RAP1GAP2: variants seen among roughly 807,000 people sequenced by gnomAD.
RAP1GAP2 encodes RAP1 GTPase activating protein 2, also known as rap1 GTPase-activating protein 2.
RAP1GAP2 carries 27 observed loss-of-function variants against 95.0 expected under a neutral mutation model. That is an observed-to-expected ratio of 0.28 (90% CI 0.21 to 0.39). The LOEUF (loss-of-function observed/expected upper bound fraction) is 0.39, where lower values mean the gene tolerates loss of function less well. RAP1GAP2 is among the 10% of genes least tolerant of loss of function. RAP1GAP2 has a pLI of 1.00. For missense variants in RAP1GAP2, 771 were observed against 970.0 expected, an observed-to-expected ratio of 0.79 and a Z score of 2.72; for synonymous variants, 373 against 380.9, an observed-to-expected ratio of 0.98 and a Z score of 0.24.
At chr17:2,818,177 T>G (rs535551049) in intron 2 of RAP1GAP2, among the ~76,000 whole-genome samples, 1 of 152,052 alleles carries the variant, frequency 6.6e-6, no homozygotes, top group South Asian at 2.1e-4. Context: ...ATTAAAGAAA[T>G]AAAACACACA....
intron 1 of RAP1GAP2, among the ~76,000 whole-genome samples, chr17:2,765,467 C>T (rs773757471): frequency 1.2e-4 from 18 of 152,054 alleles, no homozygotes; most frequent in Admixed American, 2.6e-4. Context: ...AGAGAGGGCG[C>T]GGTGGCTCAC....
chr17:2,786,282 T>C (rs2068771923), intron 1 of RAP1GAP2, among the ~76,000 whole-genome samples: 1 of 152,256 alleles, frequency 6.6e-6, no homozygotes, highest in Non-Finnish European at 1.5e-5. Flanking sequence ...ATGTCAGGAC[T>C]GGGGCTGGAA....
intron 2 of RAP1GAP2, among the ~76,000 whole-genome samples, chr17:2,861,725 C>T (rs1189520374): frequency 2.6e-5 from 4 of 152,054 alleles, no homozygotes; most frequent in South Asian, 2.1e-4. Context: ...CTGCAAGCTC[C>T]GCCTCCCAGG....
intron 3 of RAP1GAP2, among the ~76,000 whole-genome samples, chr17:2,932,841 A>AG (rs1413886293): frequency 3.6e-4 from 3 of 8,442 alleles, no homozygotes; most frequent in African/African-American, 1.3e-3. Context: ...AAAAAAAAAA[A>AG]AAGAGCAGGG....
chr17:2,847,302 C>T (rs755418891), intron 2 of RAP1GAP2, among the ~76,000 whole-genome samples: 7 of 152,124 alleles, frequency 4.6e-5, no homozygotes, highest in East Asian at 1.9e-4. Flanking sequence ...CCACCGCGCC[C>T]GGCATCAAAC....
intron 17 of RAP1GAP2, among the ~76,000 whole-genome samples, chr17:3,015,780 C>T (rs569561506): frequency 6.6e-5 from 10 of 151,858 alleles, no homozygotes; most frequent in East Asian, 3.9e-4. Context: ...TCGTGCCACA[C>T]GCTGTACTCC....
rs371614405 is a variant in RAP1GAP2 at position 3,006,036 on chromosome 17, C to T, written c.1354C>T (p.Leu452=). Reference sequence around the variant, plus strand: ...CTGCAAGTCGGACAAGTTTGCAAAGCTGGAGGTGAGAGTGTGGTTTCTGAA... The same window carrying T: ...CTGCAAGTCGGACAAGTTTGCAAAGTTGGAGGTGAGAGTGTGGTTTCTGAA... The part of the protein sequence containing the change: ...ACCKSDKFAK[L]EDRTRAALLD... The change falls in exon 16 of 25, where the codon CTG becomes TTG. Residue 452 remains leucine, a synonymous_variant. Transcript: ENST00000254695. 3.2e-5 allele frequency: 52 copies of T among 1,606,084 alleles called. No homozygotes were observed. The African/African-American group carries it at 6.8e-4, about 21-fold the overall frequency.
chr17:2,852,443 C>CCTATCCT (rs2071898102), intron 2 of RAP1GAP2, among the ~76,000 whole-genome samples: 1 of 152,174 alleles, frequency 6.6e-6, no homozygotes, highest in Non-Finnish European at 1.5e-5. Flanking sequence ...ACCCCAACTC[C>CCTATCCT]AGTGCCAGCA....
intron 2 of RAP1GAP2, among the ~76,000 whole-genome samples, chr17:2,840,149 T>C (rs2071308571): frequency 6.6e-6 from 1 of 152,046 alleles, no homozygotes; most frequent in South Asian, 2.1e-4. Flanking sequence ...AGTTATTCTT[T>C]ATTTTTAAAT....
In RAP1GAP2 at chr17:2,804,848, G is replaced by A. The variant is rs117704513; in HGVS notation, c.80+4298G>A. On this transcript the variant is annotated intron_variant, in intron 2 of 24. Transcript: ENST00000254695. Reference sequence around the variant, plus strand: ...CCTCAGGCTAACACACAGGCAAATCGTTCACCTCTCTGGGTCAGTTTCCCC... The same window carrying A: ...CCTCAGGCTAACACACAGGCAAATCATTCACCTCTCTGGGTCAGTTTCCCC... Among the ~76,000 whole-genome samples the A allele has an allele frequency of 2.1e-4, 32 of 152,298 alleles. No homozygotes were observed. In the East Asian group the frequency reaches 4.1e-3, roughly 19 times the overall value.
At chr17:2,883,578 GT>G in intron 2 of RAP1GAP2, among the ~76,000 whole-genome samples, 1 of 152,086 alleles carries the variant, frequency 6.6e-6, no homozygotes, top group Middle Eastern at 3.4e-3. Flanking sequence ...CTCCTCTCCT[GT>G]TTTCTTTTTT....
At chr17:2,944,261 A>C (rs762566246) in intron 3 of RAP1GAP2, among the ~76,000 whole-genome samples, 2 of 152,122 alleles carry the variant, frequency 1.3e-5, no homozygotes, top group Non-Finnish European at 2.9e-5. Flanking sequence ...GTAGAAATGT[A>C]AATTGGTGCA....
intron 10 of RAP1GAP2, among the ~76,000 whole-genome samples, 192 bp downstream of exon 10, chr17:2,981,440 C>G (rs1379058043): frequency 6.6e-6 from 1 of 152,296 alleles, no homozygotes; most frequent in East Asian, 1.9e-4. Flanking sequence ...TCAGCCATGC[C>G]TAGGTCTCCA....
Position 2,906,943 on chromosome 17 carries a change from A to G in RAP1GAP2, c.165+1575A>G, listed in dbSNP as rs1055375930. 3.3e-5 allele frequency among the ~76,000 whole-genome samples: 5 copies of G among 152,186 alleles called. No homozygotes were observed. The highest frequency in any genetic ancestry group is 7.2e-5 in the African/African-American group (3 of 41,452). On this transcript the variant is annotated intron_variant, in intron 3 of 24. Coordinates refer to ENST00000254695, the MANE Select transcript of RAP1GAP2 (RefSeq NM_015085.5). This position sits in a 1 kb window ranked among gnomAD's most constrained non-coding sequence, Gnocchi z 4.3. ...ATTTTTTGCCTTTGTAATTGCAAGCATAGACGGCAGGCATGACTGCATCCG... is the reference window on the plus strand; with the variant it reads ...ATTTTTTGCCTTTGTAATTGCAAGCGTAGACGGCAGGCATGACTGCATCCG...
At chr17:2,986,164 C>T (rs901077167) in intron 11 of RAP1GAP2, among the ~76,000 whole-genome samples, 4 of 152,086 alleles carry the variant, frequency 2.6e-5, no homozygotes, top group Non-Finnish European at 5.9e-5. Context: ...CTTGGTTAGA[C>T]GACACCTGAT....
intron 1 of RAP1GAP2, among the ~76,000 whole-genome samples, chr17:2,759,858 A>G (rs2151754581): frequency 6.6e-6 from 1 of 152,254 alleles, no homozygotes; most frequent in African/African-American, 2.4e-5. Flanking sequence ...GAGATTATAG[A>G]TTTGAGCCAG....
At chr17:2,767,259 G>A (rs993448665) in intron 1 of RAP1GAP2, among the ~76,000 whole-genome samples, 6 of 150,534 alleles carry the variant, frequency 4.0e-5, no homozygotes, top group African/African-American at 1.5e-4. Context: ...CTGCTTGGGA[G>A]GCTGAGGCAG....
At chr17:2,778,923 C>T (rs1435784574) in intron 1 of RAP1GAP2, among the ~76,000 whole-genome samples, 1 of 152,230 alleles carries the variant, frequency 6.6e-6, no homozygotes, top group Non-Finnish European at 1.5e-5. Context: ...AACAGGGAAG[C>T]ACTTACCCAT....
chr17:2,913,222 T>C (rs1243884331), intron 3 of RAP1GAP2, among the ~76,000 whole-genome samples: 1 of 151,768 alleles, frequency 6.6e-6, no homozygotes, highest in African/African-American at 2.4e-5. Flanking sequence ...CATGTGCACC[T>C]ACTTACCTGC....
Sources: allele counts gnomAD v4.1 joint callset (sites outside exome capture counted in the v4.1 genomes callset), GRCh38; gene constraint gnomAD v4.1.1; non-coding constraint Gnocchi (gnomAD v3.1); transcripts MANE v1.5; gene names NCBI Gene and HGNC (gene_info 2026-07-23, HGNC 2026-07-21).